The following WWOX variants were observed in gnomAD, a reference collection of about 807,000 sequenced individuals.
WWOX encodes WW domain containing oxidoreductase, also known as WW domain-containing oxidoreductase.
A neutral mutation model predicts 46.2 loss-of-function variants in WWOX; 69 were observed. The observed-to-expected ratio is 1.49, with a 90% CI of 1.23 to 1.82. WWOX has a LOEUF of 1.82. Ranked by LOEUF, WWOX falls within the 40% of genes most tolerant of loss-of-function variation. The pLI is 0.00. For missense variants in WWOX, 919 were observed against 542.6 expected (o/e 1.69, Z -6.89); for synonymous variants, 359 against 202.6 (o/e 1.77, Z -6.56).
intron 7 of WWOX, among the ~76,000 whole-genome samples, chr16:78,431,761 G>A (rs1258039168): frequency 6.6e-6 from 1 of 151,376 alleles, no homozygotes; most frequent in Non-Finnish European, 1.5e-5. Flanking sequence ...CTGTTGCCCA[G>A]GCTAGAGTTC....
chr16:78,756,526 C>T (rs369931031), intron 8 of WWOX, among the ~76,000 whole-genome samples: 1 of 152,088 alleles, frequency 6.6e-6, no homozygotes, highest in East Asian at 1.9e-4. Flanking sequence ...CTGAAAAACA[C>T]GAGAAAAGTT....
chr16:78,334,047 A>G (rs1380575590), intron 5 of WWOX, among the ~76,000 whole-genome samples: 2 of 152,240 alleles, frequency 1.3e-5, no homozygotes, highest in African/African-American at 4.8e-5. Context: ...TCCTCCAGAC[A>G]GTAAAACGGC....
chr16:78,937,912 G>A (rs2045775219), intron 8 of WWOX, among the ~76,000 whole-genome samples: 1 of 152,194 alleles, frequency 6.6e-6, no homozygotes, highest in Admixed American at 6.5e-5. Context: ...ACAGGTGTGT[G>A]CCACCATGTG....
chr16:78,546,254 T>G (rs2044029034), intron 8 of WWOX, among the ~76,000 whole-genome samples: 1 of 151,626 alleles, frequency 6.6e-6, no homozygotes, highest in Non-Finnish European at 1.5e-5. Context: ...TCTGAGGAGG[T>G]GAGGTTGGAA....
intron 8 of WWOX, among the ~76,000 whole-genome samples, chr16:78,845,133 C>CTTT (rs68089672): frequency 1.5e-5 from 2 of 134,294 alleles, no homozygotes; most frequent in East Asian, 4.3e-4. Flanking sequence ...ATCTTGCTGT[C>CTTT]TTTTTTTTTT....
intron 8 of WWOX, among the ~76,000 whole-genome samples, chr16:78,475,443 T>G (rs1013809375): frequency 1.3e-5 from 2 of 152,234 alleles, no homozygotes; most frequent in African/African-American, 4.8e-5. Context: ...TCCCAGAGTT[T>G]TGCAGAAGAG....
chr16:78,806,730 C>G (rs908600017), intron 8 of WWOX, among the ~76,000 whole-genome samples: 2 of 152,228 alleles, frequency 1.3e-5, no homozygotes, highest in South Asian at 2.1e-4. Context: ...TTCCTGCATT[C>G]TATTTTTTAG....
intron 8 of WWOX, among the ~76,000 whole-genome samples, chr16:79,053,446 A>G (rs1289984659): frequency 2.6e-5 from 4 of 152,190 alleles, no homozygotes; most frequent in Non-Finnish European, 5.9e-5. Context: ...TATCCAATTC[A>G]ATTTGTAGGA....
At chr16:78,749,472 T>C (rs2049426679) in intron 8 of WWOX, among the ~76,000 whole-genome samples, 1 of 152,182 alleles carries the variant, frequency 6.6e-6, no homozygotes, top group Admixed American at 6.5e-5. Flanking sequence ...TGGGTTCTGG[T>C]GATAGAATAT....
At chr16:78,801,338 C>A (rs940266453) in intron 8 of WWOX, among the ~76,000 whole-genome samples, 1 of 152,084 alleles carries the variant, frequency 6.6e-6, no homozygotes, top group Non-Finnish European at 1.5e-5. Flanking sequence ...GGTGAAATCC[C>A]ATCTCTACTA....
intron 8 of WWOX, among the ~76,000 whole-genome samples, chr16:78,797,100 G>C (rs1264897297): frequency 6.6e-6 from 1 of 152,022 alleles, no homozygotes; most frequent in African/African-American, 2.4e-5. Context: ...TGTTGGGGTT[G>C]CAGGCGTGAG....
At chr16:78,931,214 C>G (rs1567657462) in intron 8 of WWOX, among the ~76,000 whole-genome samples, 3 of 152,144 alleles carry the variant, frequency 2.0e-5, no homozygotes, top group Admixed American at 6.6e-5. Context: ...TAGTGGAAAA[C>G]TGACAAGACC....
At position 78,564,839 on chromosome 16, in the gene WWOX, TC is replaced by T. The variant is rs550959916; in HGVS notation, c.1056+132088del. ...TTTACGGATCATCAGTTTTATTTTT[TC>T]TTTTCTTTCCTCTTTTTCTTTTGCT... On this transcript the variant is annotated intron_variant, in intron 8 of 8. Coordinates refer to ENST00000566780, the MANE Select transcript of WWOX (RefSeq NM_016373.4). Among the ~76,000 whole-genome samples the T allele has an allele frequency of 5.0e-3, 755 of 152,300 alleles. 5 individuals carry two copies. The highest frequency in any genetic ancestry group is 0.017 in the African/African-American group (725 of 41,552).
chr16:79,046,485 G>T (rs980708976), intron 8 of WWOX, among the ~76,000 whole-genome samples: 3 of 152,172 alleles, frequency 2.0e-5, no homozygotes, highest in Non-Finnish European at 4.4e-5. Context: ...GCAGTGGAAG[G>T]TTCACTGTCT....
chr16:78,986,098 G>C lies in WWOX; in HGVS notation c.1057-225510G>C, dbSNP rs541951346. 4.6e-5 allele frequency among the ~76,000 whole-genome samples: 7 copies of C among 152,174 alleles called. No individual in the cohort carries two copies. The East Asian group carries it at 1.2e-3, about 25-fold the overall frequency. On this transcript the variant is annotated intron_variant, in intron 8 of 8. Coordinates refer to ENST00000566780, the MANE Select transcript of WWOX (RefSeq NM_016373.4). ...GCGTGTGGGAATGTCAAGATGAACC[G>C]GGGCTCCGGGAGACATTTATGGAGT...
chr16:78,180,226 C>A (rs1172543719), intron 5 of WWOX, among the ~76,000 whole-genome samples: 1 of 152,170 alleles, frequency 6.6e-6, no homozygotes, highest in Non-Finnish European at 1.5e-5. Context: ...CCTGGTCATT[C>A]TGGAGCAGTG....
intron 8 of WWOX, among the ~76,000 whole-genome samples, chr16:78,530,158 G>T (rs962016046): frequency 2.0e-5 from 3 of 152,190 alleles, no homozygotes; most frequent in African/African-American, 7.2e-5. Context: ...CTGGCCCTGG[G>T]ATAGCATCTG....
chr16:78,715,302 C>G (rs539215348), intron 8 of WWOX, among the ~76,000 whole-genome samples: 32 of 152,314 alleles, frequency 2.1e-4, no homozygotes, highest in Non-Finnish European at 3.2e-4. Flanking sequence ...ATTGCTGTCA[C>G]TGGTCCAGCC....
intron 8 of WWOX, among the ~76,000 whole-genome samples, chr16:78,437,405 C>T (rs2083357941): frequency 6.6e-6 from 1 of 152,086 alleles, no homozygotes; most frequent in Admixed American, 6.6e-5. Context: ...AAATGTTGCC[C>T]TTTTACAGTT....
Sources: allele counts gnomAD v4.1 joint callset (sites outside exome capture counted in the v4.1 genomes callset), GRCh38; gene constraint gnomAD v4.1.1; transcripts MANE v1.5; gene names NCBI Gene and HGNC (gene_info 2026-07-23, HGNC 2026-07-21).